Variants in PLXDC2 observed in about 807,000 individuals in gnomAD.
PLXDC2 encodes plexin domain containing 2.
In PLXDC2, 40 loss-of-function variants were observed where a neutral mutation model predicts 68.9. That is an observed-to-expected ratio of 0.58 (90% CI 0.45 to 0.76). PLXDC2 has a LOEUF of 0.76. Ranked by LOEUF, PLXDC2 falls within the 30% of genes least tolerant of loss-of-function variation. The pLI is 0.00. For missense variants in PLXDC2, 644 were observed against 661.9 expected, an observed-to-expected ratio of 0.97 and a Z score of 0.30; for synonymous variants, 243 against 234.2, an observed-to-expected ratio of 1.04 and a Z score of -0.34.
chr10:20,254,807 T>C (rs1180448964), intron 13 of PLXDC2, among the ~76,000 whole-genome samples: 1 of 152,200 alleles, frequency 6.6e-6, no homozygotes, highest in African/African-American at 2.4e-5. Context: ...TCAGTGGTTT[T>C]CTTTTCTCAA....
chr10:20,174,485 CTGAGA>C (rs1470303538), intron 7 of PLXDC2, among the ~76,000 whole-genome samples: 5 of 151,958 alleles, frequency 3.3e-5, no homozygotes, highest in African/African-American at 1.2e-4. Flanking sequence ...TGTGATACGC[CTGAGA>C]TATTTTCAGC....
chr10:20,270,577 T>C (rs1174746854), intron 13 of PLXDC2, among the ~76,000 whole-genome samples: 2 of 151,866 alleles, frequency 1.3e-5, no homozygotes, highest in African/African-American at 2.4e-5. Context: ...AGAGTTTTGC[T>C]CTTGTTGCTC....
At chr10:20,240,638 C>A (rs78813388) in intron 12 of PLXDC2, among the ~76,000 whole-genome samples, 2 of 136,324 alleles carry the variant, frequency 1.5e-5, no homozygotes, top group African/African-American at 5.5e-5. Context: ...ATACGTTCAT[C>A]TAAAGCCCAT....
intron 12 of PLXDC2, among the ~76,000 whole-genome samples, chr10:20,230,944 A>G (rs1238270018): frequency 2.0e-5 from 3 of 151,240 alleles, no homozygotes; most frequent in Non-Finnish European, 4.4e-5. Context: ...CTTATAGACT[A>G]CACTCTTTGA....
chr10:19,934,545 A>C (rs1833692428), intron 1 of PLXDC2, among the ~76,000 whole-genome samples: 1 of 152,190 alleles, frequency 6.6e-6, no homozygotes. Context: ...GATGGCAAGC[A>C]ATGGTAAGTC....
chr10:20,127,021 G>T (rs1377184752), intron 4 of PLXDC2, among the ~76,000 whole-genome samples: 1 of 151,278 alleles, frequency 6.6e-6, no homozygotes, highest in East Asian at 1.9e-4. Context: ...GAATCTATAA[G>T]TGCTAAGGCA....
At chr10:20,123,006 A>G (rs1589640266) in intron 4 of PLXDC2, among the ~76,000 whole-genome samples, 1 of 152,172 alleles carries the variant, frequency 6.6e-6, no homozygotes, top group South Asian at 2.1e-4. Flanking sequence ...CTGATTTGGG[A>G]TAAAGAAAAA....
At chr10:19,974,668 C>T (rs1157603065) in intron 1 of PLXDC2, among the ~76,000 whole-genome samples, 1 of 152,192 alleles carries the variant, frequency 6.6e-6, no homozygotes, top group African/African-American at 2.4e-5. Context: ...ATGCCCTATA[C>T]TATCTCTTAG....
chr10:19,940,948 C>T (rs1398598698), intron 1 of PLXDC2, among the ~76,000 whole-genome samples: 1 of 152,180 alleles, frequency 6.6e-6, no homozygotes, highest in Non-Finnish European at 1.5e-5. Flanking sequence ...GAATCATTTA[C>T]TTGCAGACCT....
At chr10:19,827,129 C>G (rs1301445027) in intron 1 of PLXDC2, among the ~76,000 whole-genome samples, 4 of 152,118 alleles carry the variant, frequency 2.6e-5, no homozygotes, top group Non-Finnish European at 5.9e-5. Context: ...GCTAGAATTT[C>G]TGGGTTATTG....
intron 1 of PLXDC2, among the ~76,000 whole-genome samples, chr10:19,892,100 G>A (rs1457053631): frequency 6.6e-6 from 1 of 152,138 alleles, no homozygotes; most frequent in African/African-American, 2.4e-5. Context: ...AATATTTACT[G>A]TAAAAATCAT....
chr10:20,189,526 TACACACAC>T (rs1834734436), intron 9 of PLXDC2, among the ~76,000 whole-genome samples: 5 of 77,882 alleles, frequency 6.4e-5, no homozygotes, highest in African/African-American at 1.7e-4. Flanking sequence ...CACATATATA[TACACACAC>T]ATATATATAC....
chr10:20,177,154 G>C, intron 8 of PLXDC2, 60 bp downstream of exon 8: 1 of 1,411,128 alleles, frequency 7.1e-7, no homozygotes, highest in Non-Finnish European at 1.0e-6. Context: ...GATCTGATCT[G>C]TTCAATAGTT....
chr10:20,098,109 A>T (rs975952574), intron 4 of PLXDC2, among the ~76,000 whole-genome samples: 1 of 152,038 alleles, frequency 6.6e-6, no homozygotes, highest in African/African-American at 2.4e-5. Context: ...AACAAGTTAC[A>T]AACTGGGTGG....
At chr10:20,033,610 G>A (rs1747580612) in intron 2 of PLXDC2, among the ~76,000 whole-genome samples, 1 of 152,148 alleles carries the variant, frequency 6.6e-6, no homozygotes, top group Non-Finnish European at 1.5e-5. Context: ...ATGGTGGCAG[G>A]CAAGAGAGAG....
chr10:19,852,841 A>C (rs1229232340), intron 1 of PLXDC2, among the ~76,000 whole-genome samples: 1 of 152,184 alleles, frequency 6.6e-6, no homozygotes, highest in Non-Finnish European at 1.5e-5. Context: ...TTATTAAGTA[A>C]AGGAATCTGA....
chr10:19,893,776 C>T (rs1419467458), intron 1 of PLXDC2, among the ~76,000 whole-genome samples: 2 of 152,196 alleles, frequency 1.3e-5, no homozygotes, highest in South Asian at 2.1e-4. Flanking sequence ...ACTTTCTCAT[C>T]AGCATGTCAT....
intron 4 of PLXDC2, among the ~76,000 whole-genome samples, chr10:20,140,848 G>T (rs913570195): frequency 6.6e-6 from 1 of 151,654 alleles, no homozygotes; most frequent in African/African-American, 2.4e-5. Context: ...GAGTAGTAGG[G>T]TTTTTTTCCT....
chr10:20,040,854 A>ACTAGTAC (rs1835670400), intron 2 of PLXDC2, among the ~76,000 whole-genome samples: 1 of 152,214 alleles, frequency 6.6e-6, no homozygotes, highest in South Asian at 2.1e-4. Context: ...CTAGTTGTAG[A>ACTAGTAC]CTAGTACCTT....
Sources: allele counts gnomAD v4.1 joint callset (sites outside exome capture counted in the v4.1 genomes callset), GRCh38; gene constraint gnomAD v4.1.1; transcripts MANE v1.5; gene names NCBI Gene and HGNC (gene_info 2026-07-23, HGNC 2026-07-21).